The following HS2ST1 variants were observed in gnomAD, a reference collection of about 807,000 sequenced individuals.
The protein encoded by HS2ST1 is 2-O-sulfotransferase.
HS2ST1 carries 18 observed loss-of-function variants against 42.9 expected under a neutral mutation model. That is an observed-to-expected ratio of 0.42 (90% confidence interval 0.29 to 0.62). HS2ST1 has a LOEUF of 0.62. HS2ST1 is among the 20% of genes least tolerant of loss of function. HS2ST1 has a pLI of 0.21. For synonymous variants in HS2ST1, 146 were observed against 152.9 expected, an observed-to-expected ratio of 0.95 and a Z score of 0.33; for missense variants, 334 against 433.8, an observed-to-expected ratio of 0.77 and a Z score of 2.04.
intron 1 of HS2ST1, among the ~76,000 whole-genome samples, chr1:87,021,058 G>C (rs1485478963): frequency 6.6e-6 from 1 of 152,118 alleles, no homozygotes. Context: ...CATTGGCTGG[G>C]AAGTTAGTCA....
rs1652350748 is a variant in HS2ST1, at chr1:87,107,395, G to A, written c.*2699G>A. 1 of 151,966 alleles carries A rather than the reference G, an allele frequency of 6.6e-6. No homozygotes were observed. The highest frequency in any genetic ancestry group is 1.5e-5 in the Non-Finnish European group (1 of 67,936). The allele number at this position is 151,966 out of a possible 1,614,324, so 9.4% of individuals were successfully genotyped here. A position where few individuals can be genotyped will look rare whatever the true frequency, so the allele number is the denominator to read the frequency against. The stretch of plus-strand genomic sequence containing the variant: ...TAGGAGTATCCTTTCTGGAGACTGA[G>A]AAAGGGGTGTATTTAATTCCATCAG... On this transcript the variant is annotated 3_prime_UTR_variant, in exon 7 of 7. Coordinates refer to ENST00000370550, the MANE Select transcript of HS2ST1 (RefSeq NM_012262.4).
At chr1:86,937,337 A>T (rs1395514588) in intron 1 of HS2ST1, among the ~76,000 whole-genome samples, 1 of 152,198 alleles carries the variant, frequency 6.6e-6, no homozygotes, top group Admixed American at 6.5e-5. Context: ...CTAGGTGGAT[A>T]TGGAATTAAG....
At chr1:86,936,440 G>A (rs1223897992) in intron 1 of HS2ST1, among the ~76,000 whole-genome samples, 1 of 152,042 alleles carries the variant, frequency 6.6e-6, no homozygotes, top group African/African-American at 2.4e-5. Context: ...TACATTATTA[G>A]TTGATTTCTC....
At chr1:87,058,210 A>G (rs1186561834) in intron 1 of HS2ST1, among the ~76,000 whole-genome samples, 4 of 151,356 alleles carry the variant, frequency 2.6e-5, no homozygotes, top group South Asian at 2.1e-4. Context: ...TCCTCATGCA[A>G]CCTCTATATG....
chr1:86,981,755 T>C, intron 1 of HS2ST1, among the ~76,000 whole-genome samples: 1 of 152,216 alleles, frequency 6.6e-6, no homozygotes, highest in Non-Finnish European at 1.5e-5. Context: ...TGGGCTGGCA[T>C]TGAGTGCCTG....
At chr1:86,918,503 A>G (rs1467524794) in intron 1 of HS2ST1, among the ~76,000 whole-genome samples, 1 of 151,770 alleles carries the variant, frequency 6.6e-6, no homozygotes, top group Non-Finnish European at 1.5e-5. Context: ...TATATATATA[A>G]TTTTTTTGAG....
intron 1 of HS2ST1, among the ~76,000 whole-genome samples, chr1:87,069,727 A>G (rs183102807): frequency 6.6e-6 from 1 of 152,224 alleles, no homozygotes; most frequent in African/African-American, 2.4e-5. Flanking sequence ...TGTAAATACT[A>G]TTTGAATGAG....
chr1:87,106,714 AC>A lies in HS2ST1; in HGVS notation c.*2019del, dbSNP rs1197082592. The A allele has an allele frequency of 6.6e-6, 1 of 151,864 alleles. No individual in the cohort carries two copies. The highest frequency in any genetic ancestry group is 1.5e-5 in the Non-Finnish European group (1 of 67,878). The allele number at this position is 151,864 out of a possible 1,614,324, so 9.4% of individuals were successfully genotyped here. On this transcript the variant is annotated 3_prime_UTR_variant, in exon 7 of 7. Coordinates refer to ENST00000370550, the MANE Select transcript of HS2ST1 (RefSeq NM_012262.4). The stretch of plus-strand genomic sequence containing the variant: ...TTTTTTCTTTCCTTTTTTCAAATTG[AC>A]TTTTATAGGTATTTCCTGAAAGTGT...
chr1:86,964,814 A>G lies in HS2ST1; in HGVS notation c.124+49654A>G, dbSNP rs574263752. 1.4e-4 allele frequency among the ~76,000 whole-genome samples: 22 copies of G among 152,352 alleles called. No homozygotes were observed. The South Asian group carries it at 4.6e-3, about 32-fold the overall frequency. ...CAATCTGAGTTCCTAAAGGTTACAC[A>G]GTTCAATTTATTTGTTTTTATTGTT... is the stretch of plus-strand genomic sequence containing the variant. On this transcript the variant is annotated intron_variant, in intron 1 of 6. Transcript: ENST00000370550.
At chr1:87,002,539 G>A (rs1449126388) in intron 1 of HS2ST1, among the ~76,000 whole-genome samples, 1 of 151,198 alleles carries the variant, frequency 6.6e-6, no homozygotes, top group Non-Finnish European at 1.5e-5. Context: ...AGGCTGCAGT[G>A]AGCTGTGCTG....
In HS2ST1 at chr1:86,914,845, G is replaced by A; in HGVS notation, c.-192G>A. 1.6e-6 allele frequency: 1 copy of A among 625,476 alleles called. No individual in the cohort carries two copies. Among genetic ancestry groups the A allele is most frequent in the South Asian group, 1.9e-5 (1 of 51,908 alleles). The allele number at this position is 625,476 out of a possible 1,614,324, so 38.7% of individuals were successfully genotyped here. A position where few individuals can be genotyped will look rare whatever the true frequency, so the allele number is the denominator to read the frequency against. On this transcript the variant is annotated 5_prime_UTR_variant, in exon 1 of 7. Coordinates refer to ENST00000370550, the MANE Select transcript of HS2ST1 (RefSeq NM_012262.4). ...GTCGGCTGAGGAGAAGCGGACACCA[G>A]CGGCGTTGGTGATAGCGCCTGGGGG... is the stretch of plus-strand genomic sequence containing the variant.
intron 1 of HS2ST1, among the ~76,000 whole-genome samples, chr1:86,995,993 T>C (rs1456576613): frequency 6.6e-6 from 1 of 152,074 alleles, no homozygotes; most frequent in Non-Finnish European, 1.5e-5. Flanking sequence ...GATCAACATA[T>C]TGGATAAAAT....
intron 1 of HS2ST1, among the ~76,000 whole-genome samples, chr1:86,963,762 C>T (rs1286345292): frequency 7.3e-6 from 1 of 136,802 alleles, no homozygotes; most frequent in African/African-American, 2.7e-5. Flanking sequence ...CCCCACCTCC[C>T]GGACGGGGCA....
chr1:87,041,289 G>T (rs1364639901), intron 1 of HS2ST1, among the ~76,000 whole-genome samples: 1 of 149,566 alleles, frequency 6.7e-6, no homozygotes, highest in African/African-American at 2.5e-5. Flanking sequence ...TCCAGAGGAT[G>T]AGGTGGGAGG....
chr1:86,926,252 T>C (rs1441733161), intron 1 of HS2ST1, among the ~76,000 whole-genome samples: 2 of 152,328 alleles, frequency 1.3e-5, no homozygotes, highest in East Asian at 3.9e-4. Flanking sequence ...TTTGAATGGT[T>C]CTTTTTTGGC....
At chr1:86,988,650 A>G (rs114872054) in intron 1 of HS2ST1, among the ~76,000 whole-genome samples, 3,650 of 152,332 alleles carry the variant, frequency 0.024, 46 homozygotes, top group South Asian at 0.053. Flanking sequence ...CGAATTCTAA[A>G]AAGAGCTAAG....
chr1:87,044,976 C>T (rs574002443), intron 1 of HS2ST1: 132 of 1,597,250 alleles, frequency 8.3e-5, no homozygotes, highest in South Asian at 3.8e-4. Flanking sequence ...CTGTTCTATA[C>T]GTGACCTCTT....
At chr1:87,103,640 G>T in intron 6 of HS2ST1, 51 bp downstream of exon 6, 1 of 1,398,854 alleles carries the variant, frequency 7.1e-7, no homozygotes, top group South Asian at 1.7e-5. Flanking sequence ...TTGGTTTTTT[G>T]GTTTGCAACT....
chr1:86,940,058 T>TC (rs1328794400), intron 1 of HS2ST1, among the ~76,000 whole-genome samples: 1 of 152,188 alleles, frequency 6.6e-6, no homozygotes, highest in Non-Finnish European at 1.5e-5. Flanking sequence ...AGGTTTTTTT[T>TC]CTCTTACTCT....
Sources: gnomAD v4.1 joint callset for allele counts (sites outside exome capture counted in the v4.1 genomes callset) on GRCh38, gnomAD v4.1.1 for gene constraint, MANE v1.5 for transcripts, NCBI Gene and HGNC (gene_info 2026-07-23, HGNC 2026-07-21) for gene names.